CTNNA1: variants seen among roughly 807,000 people sequenced by gnomAD.
CTNNA1 encodes catenin alpha 1, also known as catenin alpha-1.
CTNNA1 carries 37 observed loss-of-function variants against 98.4 expected under a neutral mutation model. That is an observed-to-expected ratio of 0.38 (90% confidence interval 0.29 to 0.49). The LOEUF is 0.49. Among genes scored for constraint, CTNNA1 ranks in the 20% least tolerant of loss-of-function variants. The pLI, the probability that CTNNA1 is intolerant of heterozygous loss-of-function variation, is 0.95. For missense variants in CTNNA1, 761 were observed against 1,147.2 expected, an observed-to-expected ratio of 0.66 and a Z score of 4.86; for synonymous variants, 404 against 413.2, an observed-to-expected ratio of 0.98 and a Z score of 0.27.
chr5:138,799,172 T>C (rs1048818108), intron 3 of CTNNA1, among the ~76,000 whole-genome samples: 3 of 148,556 alleles, frequency 2.0e-5, no homozygotes, highest in African/African-American at 7.9e-5. Context: ...CCACATTTTG[T>C]TTTTTTAGAC....
intron 7 of CTNNA1, among the ~76,000 whole-genome samples, chr5:138,845,454 A>T (rs1469971402): frequency 6.6e-6 from 1 of 152,226 alleles, no homozygotes; most frequent in Non-Finnish European, 1.5e-5. Flanking sequence ...CTACCTTTCT[A>T]AACACAAGAA....
chr5:138,891,267 T>A (rs1302706259), intron 9 of CTNNA1: 1 of 152,222 alleles, frequency 6.6e-6, no homozygotes, highest in Non-Finnish European at 1.5e-5. Flanking sequence ...GTAAATCCCT[T>A]TCACTTGTAA....
At chr5:138,817,735 G>A (rs1324297052) in intron 5 of CTNNA1, among the ~76,000 whole-genome samples, 1 of 151,594 alleles carries the variant, frequency 6.6e-6, no homozygotes, top group East Asian at 1.9e-4. Context: ...ATTCTTCGTT[G>A]TTTTCACCAT....
chr5:138,774,264 A>G (rs113721212), intron 1 of CTNNA1, among the ~76,000 whole-genome samples: 17 of 151,814 alleles, frequency 1.1e-4, no homozygotes, highest in African/African-American at 3.4e-4. Flanking sequence ...GGCTCAAGTG[A>G]TTTTCCCATC....
chr5:138,792,846 C>T (rs571850068), intron 3 of CTNNA1, among the ~76,000 whole-genome samples: 10 of 152,322 alleles, frequency 6.6e-5, no homozygotes, highest in African/African-American at 2.4e-4. Flanking sequence ...ATTAGCTTTT[C>T]AGATTAGTAC....
At chr5:138,779,245 G>T (rs762401179) in intron 1 of CTNNA1, among the ~76,000 whole-genome samples, 13 of 152,058 alleles carry the variant, frequency 8.5e-5, no homozygotes, top group Non-Finnish European at 1.8e-4. Context: ...ACCAGTGGGG[G>T]TTGCAAGATG....
chr5:138,873,292 T>C lies in CTNNA1; in HGVS notation c.1063-12920T>C, dbSNP rs1750868763. 6.2e-7 allele frequency: 1 copy of C among 1,614,042 alleles called. No individual in the cohort carries two copies. On this transcript the variant is annotated intron_variant, in intron 7 of 17. Coordinates refer to ENST00000302763, the MANE Select transcript of CTNNA1 (RefSeq NM_001903.5). The surrounding 1 kb of genome is among the most constrained non-coding windows in gnomAD (Gnocchi z 6.1). Reference sequence around the variant, plus strand: ...ACAATAAAGCCATTGTTCCCGTAATTACCCGCTGAGTGAAGATGGCATTGT... The same window carrying C: ...ACAATAAAGCCATTGTTCCCGTAATCACCCGCTGAGTGAAGATGGCATTGT...
intron 9 of CTNNA1, among the ~76,000 whole-genome samples, chr5:138,888,329 T>C (rs1292593892): frequency 6.6e-6 from 1 of 152,228 alleles, no homozygotes; most frequent in Non-Finnish European, 1.5e-5. Flanking sequence ...ACTTAATTTA[T>C]TCATTATTGC....
intron 13 of CTNNA1, among the ~76,000 whole-genome samples, chr5:138,928,475 G>A (rs962761238): frequency 6.6e-6 from 1 of 152,054 alleles, no homozygotes; most frequent in African/African-American, 2.4e-5. Flanking sequence ...CCTAACAGAA[G>A]GCCCAGTTAT....
chr5:138,875,330 A>G, intron 7 of CTNNA1: 4 of 948,068 alleles, frequency 4.2e-6, no homozygotes, highest in Non-Finnish European at 5.1e-6. Context: ...GAAACGGCAC[A>G]AGAATGGATT....
At chr5:138,823,765 G>A (rs566077169) in intron 5 of CTNNA1, among the ~76,000 whole-genome samples, 7 of 151,614 alleles carry the variant, frequency 4.6e-5, no homozygotes, top group African/African-American at 1.7e-4. Flanking sequence ...AGGCCATCCC[G>A]GCTAAAACGG....
At chr5:138,804,033 G>A (rs1757840511) in intron 3 of CTNNA1, among the ~76,000 whole-genome samples, 1 of 152,234 alleles carries the variant, frequency 6.6e-6, no homozygotes, top group African/African-American at 2.4e-5. Flanking sequence ...TCTGTCTTCT[G>A]ATCTTGTTTT....
At chr5:138,795,151 CAAAA>C (rs35532090) in intron 3 of CTNNA1, among the ~76,000 whole-genome samples, 1,667 of 81,666 alleles carry the variant, frequency 0.02, 15 homozygotes, top group African/African-American at 0.052. Flanking sequence ...GTGAGACTCT[CAAAA>C]AAAAAAAAAA....
intron 7 of CTNNA1, among the ~76,000 whole-genome samples, chr5:138,879,458 T>A (rs1256431008): frequency 6.6e-6 from 1 of 152,022 alleles, no homozygotes; most frequent in Admixed American, 6.5e-5. Flanking sequence ...TTTATTTTGT[T>A]GTTGTGTTTT....
chr5:138,810,069 C>T lies in CTNNA1; in HGVS notation c.333C>T (p.Phe111=), dbSNP rs775070610. 2.2e-5 allele frequency: 36 copies of T among 1,613,212 alleles called. No individual in the cohort carries two copies. Among genetic ancestry groups the T allele is most frequent in the Admixed American group, 3.3e-5 (2 of 59,986 alleles). Residue 111 remains phenylalanine, a synonymous_variant, in exon 4 of 18, where the codon TTC becomes TTT. Transcript: ENST00000302763. The stretch of plus-strand genomic sequence containing the variant: ...TGATGAAGGCTGCTGCAGGAGAGTT[C>T]GCAGATGATCCCTGCTCTTCTGTGA... ...GDLMKAAAGE[F]ADDPCSSVKR...
intron 4 of CTNNA1, among the ~76,000 whole-genome samples, chr5:138,811,562 C>T (rs1358789564): frequency 6.6e-6 from 1 of 151,836 alleles, no homozygotes; most frequent in Non-Finnish European, 1.5e-5. Context: ...GAGGCCAAGG[C>T]AGGTGGCTGG....
At position 138,916,105 on chromosome 5, in the gene CTNNA1, T is replaced by C. The variant is rs377349970; in HGVS notation, c.1390-1637T>C. ...AAAGCAAGTTACAAAAGTCCACATG[T>C]TACATGATTCCATTTATCTGAAATA... On this transcript the variant is annotated intron_variant, in intron 10 of 17. Transcript: ENST00000302763. Among the ~76,000 whole-genome samples the C allele has an allele frequency of 2.3e-4, 34 of 150,756 alleles. No individual in the cohort carries two copies. The South Asian group carries it at 6.3e-3, about 28-fold the overall frequency.
intron 7 of CTNNA1, among the ~76,000 whole-genome samples, chr5:138,831,169 G>C (rs891552012): frequency 1.3e-5 from 2 of 152,076 alleles, no homozygotes; most frequent in Non-Finnish European, 2.9e-5. Flanking sequence ...ACACACATTC[G>C]TAAAGTGTCT....
Position 138,836,328 on chromosome 5 carries a change from T to A in CTNNA1, c.1062+8610T>A, listed in dbSNP as rs183611450. ...GTCTATTTCACTTAGTATAATGCCC[T>A]CCAAGTTCATCCATGTTGTAGAGCA... On this transcript the variant is annotated intron_variant, in intron 7 of 17. Coordinates refer to ENST00000302763, the MANE Select transcript of CTNNA1 (RefSeq NM_001903.5). Among the ~76,000 whole-genome samples the A allele has an allele frequency of 4.6e-5, 7 of 152,346 alleles. No individual in the cohort carries two copies. In the East Asian group the frequency reaches 1.3e-3, roughly 29 times the overall value.
Sources: allele counts gnomAD v4.1 joint callset (sites outside exome capture counted in the v4.1 genomes callset), GRCh38; gene constraint gnomAD v4.1.1; non-coding constraint Gnocchi (gnomAD v3.1); transcripts MANE v1.5; gene names NCBI Gene and HGNC (gene_info 2026-07-23, HGNC 2026-07-21).